Variants in CYYR1 observed in about 807,000 individuals in gnomAD.
CYYR1 encodes the protein cysteine and tyrosine-rich protein 1.
CYYR1 carries 14 observed loss-of-function variants against 15.2 expected under a neutral mutation model. The ratio of observed to expected loss-of-function variants is 0.92; its 90% CI spans 0.61 to 1.44. The LOEUF (loss-of-function observed/expected upper bound fraction) is 1.44, where lower values mean the gene tolerates loss of function less well. CYYR1 is among the 40% of genes most tolerant of loss of function. The pLI is 0.00. For synonymous variants in CYYR1, 80 were observed against 77.4 expected (o/e 1.03, Z -0.18); for missense variants, 228 against 209.5 (o/e 1.09, Z -0.54).
At chr21:26,474,623 A>G (rs562074779) in intron 3 of CYYR1, among the ~76,000 whole-genome samples, 4 of 151,896 alleles carry the variant, frequency 2.6e-5, no homozygotes, top group East Asian at 1.9e-4. Context: ...TCTTTCCTCC[A>G]CAACTTCTCT....
At chr21:26,526,410 T>G (rs538081270) in intron 2 of CYYR1, among the ~76,000 whole-genome samples, 87 of 152,200 alleles carry the variant, frequency 5.7e-4, no homozygotes, top group Non-Finnish European at 7.5e-4. Flanking sequence ...ATTGTGCCAC[T>G]GTACTCCAGC....
Position 26,566,780 on chromosome 21 carries a change from C to T in CYYR1, c.74-412G>A, listed in dbSNP as rs746253425. Among the ~76,000 whole-genome samples the T allele has an allele frequency of 9.9e-5, 15 of 152,066 alleles. 1 individual carries two copies. The highest frequency in any genetic ancestry group is 2.0e-4 in the Admixed American group (3 of 15,280). ...ATCCCAGCACTTTGGGAGGCTGAGG[C>T]GGGTGATCACTTGAGGTCAGGAGTC... On this transcript the variant is annotated intron_variant, in intron 1 of 3. Coordinates refer to ENST00000652641, the MANE Select transcript of CYYR1 (RefSeq NM_001320768.2).
intron 2 of CYYR1, among the ~76,000 whole-genome samples, chr21:26,543,632 G>A (rs1978731798): frequency 1.3e-5 from 2 of 152,314 alleles, no homozygotes; most frequent in Non-Finnish European, 2.9e-5. Flanking sequence ...ATAGCTGGGC[G>A]TGGTGGCTCA....
intron 2 of CYYR1, among the ~76,000 whole-genome samples, chr21:26,544,603 T>C (rs1978817767): frequency 1.3e-5 from 2 of 152,212 alleles, no homozygotes; most frequent in South Asian, 2.1e-4. Flanking sequence ...CCATCTCTAA[T>C]GATGCTTTTG....
At chr21:26,560,134 A>C (rs1347939783) in intron 2 of CYYR1, among the ~76,000 whole-genome samples, 1 of 152,178 alleles carries the variant, frequency 6.6e-6, no homozygotes, top group East Asian at 1.9e-4. Context: ...TAATTTTTAC[A>C]TGGTTATAAT....
chr21:26,499,226 G>A (rs1396136460), intron 2 of CYYR1, among the ~76,000 whole-genome samples: 1 of 152,136 alleles, frequency 6.6e-6, no homozygotes, highest in Non-Finnish European at 1.5e-5. Flanking sequence ...GTTCATACTG[G>A]ATTACCTGGG....
chr21:26,514,521 A>G (rs536472854), intron 2 of CYYR1, among the ~76,000 whole-genome samples: 1 of 152,182 alleles, frequency 6.6e-6, no homozygotes, highest in Non-Finnish European at 1.5e-5. Context: ...TGCTGCTGTC[A>G]TGCTTCTTTT....
At chr21:26,521,853 T>C (rs1220562960) in intron 2 of CYYR1, among the ~76,000 whole-genome samples, 1 of 152,254 alleles carries the variant, frequency 6.6e-6, no homozygotes, top group East Asian at 1.9e-4. Flanking sequence ...TGCACTTCTT[T>C]ATCAGTCAAA....
At chr21:26,481,347 T>C (rs2065177598) in intron 2 of CYYR1, among the ~76,000 whole-genome samples, 1 of 151,972 alleles carries the variant, frequency 6.6e-6, no homozygotes, top group Non-Finnish European at 1.5e-5. Flanking sequence ...CTAATGTCCA[T>C]AAAAAGAGGA....
At chr21:26,558,199 C>A (rs960107210) in intron 2 of CYYR1, among the ~76,000 whole-genome samples, 1 of 152,058 alleles carries the variant, frequency 6.6e-6, no homozygotes. Context: ...GGTGTCTGGG[C>A]GACTCCATTA....
intron 2 of CYYR1, among the ~76,000 whole-genome samples, chr21:26,499,515 G>C (rs1287047139): frequency 6.6e-6 from 1 of 152,172 alleles, no homozygotes; most frequent in South Asian, 2.1e-4. Context: ...TTGGTAATTT[G>C]TTATGGCAGC....
At chr21:26,551,119 C>G (rs1336769981) in intron 2 of CYYR1, 1 of 152,634 alleles carries the variant, frequency 6.6e-6, no homozygotes, top group Non-Finnish European at 1.5e-5. Context: ...CAACAAAGCC[C>G]TTATGGCAGC....
intron 2 of CYYR1, among the ~76,000 whole-genome samples, chr21:26,553,876 C>A (rs1979576748): frequency 6.6e-6 from 1 of 152,126 alleles, no homozygotes; most frequent in African/African-American, 2.4e-5. Flanking sequence ...AGCCAACAGG[C>A]TGAATAAAAA....
rs374044533 is a variant in CYYR1, at chr21:26,477,982, G to A, written c.334+2290C>T. On this transcript the variant is annotated intron_variant, in intron 3 of 3. Coordinates refer to ENST00000652641, the MANE Select transcript of CYYR1 (RefSeq NM_001320768.2). ...GGTGAAACTTAAAGTCAATTCCCTA[G>A]GGTATTGATATATGATTAATTCAGG... The A allele has an allele frequency of 6.9e-5, 103 of 1,491,912 alleles. 1 individual carries two copies. The East Asian group carries it at 7.3e-4, about 11-fold the overall frequency. 92.4% of individuals were successfully genotyped at this position (1,491,912 alleles called of 1,614,324 possible).
At chr21:26,535,088 C>T (rs913629428) in intron 2 of CYYR1, among the ~76,000 whole-genome samples, 4 of 151,900 alleles carry the variant, frequency 2.6e-5, no homozygotes, top group Admixed American at 1.3e-4. Flanking sequence ...GAATATACAC[C>T]GGGGACTACT....
chr21:26,483,457 T>G (rs904554425), intron 2 of CYYR1: 1 of 982,908 alleles, frequency 1.0e-6, no homozygotes, highest in African/African-American at 1.8e-5. Flanking sequence ...GAAGTTTAGT[T>G]TGCAAGCCAG....
intron 2 of CYYR1, among the ~76,000 whole-genome samples, chr21:26,539,104 T>G (rs1452252389): frequency 6.6e-6 from 1 of 152,148 alleles, no homozygotes. Context: ...GACGGTTTGT[T>G]GCCTATACTC....
intron 2 of CYYR1, among the ~76,000 whole-genome samples, chr21:26,555,075 A>G (rs997339314): frequency 6.6e-6 from 1 of 152,192 alleles, no homozygotes; most frequent in African/African-American, 2.4e-5. Context: ...TTCACACAGC[A>G]TCAGGAACCC....
At chr21:26,532,946 A>C (rs1009866974) in intron 2 of CYYR1, among the ~76,000 whole-genome samples, 3 of 152,090 alleles carry the variant, frequency 2.0e-5, no homozygotes, top group African/African-American at 7.2e-5. Flanking sequence ...TATGTATAAA[A>C]CATAAACAAA....
Sources: gnomAD v4.1 joint callset for allele counts (sites outside exome capture counted in the v4.1 genomes callset) on GRCh38, gnomAD v4.1.1 for gene constraint, MANE v1.5 for transcripts, NCBI Gene and HGNC (gene_info 2026-07-23, HGNC 2026-07-21) for gene names.